The following DBF4B variants were observed in gnomAD, a reference collection of about 807,000 sequenced individuals.
DBF4B encodes the protein DBF4B-CDC7 kinase regulatory subunit, also known as protein DBF4 homolog B.
DBF4B carries 49 observed loss-of-function variants against 53.4 expected under a neutral mutation model. The ratio of observed to expected loss-of-function variants is 0.92; its 90% CI spans 0.73 to 1.16. DBF4B has a LOEUF of 1.16. Ranked by LOEUF, DBF4B falls within the 50% of genes most tolerant of loss-of-function variation. The probability of loss-of-function intolerance (pLI) is 0.00; values close to 1 mark genes in which losing one functional copy is unlikely to be tolerated. For missense variants in DBF4B, 692 were observed against 775.0 expected, an observed-to-expected ratio of 0.89 and a Z score of 1.27; for synonymous variants, 257 against 288.7, an observed-to-expected ratio of 0.89 and a Z score of 1.11.
At chr17:44,726,448 G>T (rs529169077) in intron 3 of DBF4B, among the ~76,000 whole-genome samples, 1 of 151,164 alleles carries the variant, frequency 6.6e-6, no homozygotes, top group South Asian at 2.1e-4. Flanking sequence ...TAATTTTAGA[G>T]ACAGGGTCTC....
At chr17:44,738,315 T>C in intron 8 of DBF4B, 64 bp from the exon 9 acceptor site, 1 of 1,494,172 alleles carries the variant, frequency 6.7e-7, no homozygotes, top group South Asian at 1.2e-5. Flanking sequence ...ATTTCCTGCA[T>C]GTGTGGTGCA....
intron 10 of DBF4B, among the ~76,000 whole-genome samples, chr17:44,744,472 T>C (rs1368206319): frequency 6.6e-6 from 1 of 152,092 alleles, no homozygotes; most frequent in East Asian, 1.9e-4. Context: ...TTCCATTGTA[T>C]GGAATGTATT....
chr17:44,750,858 C>CCGG lies in DBF4B; in HGVS notation c.1457_1459dup (p.Ala486dup). The CCGG allele has an allele frequency of 2.5e-6, 4 of 1,614,180 alleles. No homozygotes were observed. The highest frequency in any genetic ancestry group is 3.4e-6 in the Non-Finnish European group (4 of 1,180,026). ...TCCCTCCCAAGAAAACTCCTTTGCC[C>CCGG]CGGCGGACATTCCTGTTAAGGGCCC... On this transcript the variant is annotated inframe_insertion, in exon 14 of 14. Coordinates refer to ENST00000315005, the MANE Select transcript of DBF4B (RefSeq NM_145663.3).
intron 4 of DBF4B, 57 bp downstream of exon 4, chr17:44,730,153 GA>G: frequency 6.4e-7 from 1 of 1,560,654 alleles, no homozygotes. Context: ...AGGCTTTGGT[GA>G]GCCTTTTAAG....
intron 3 of DBF4B, among the ~76,000 whole-genome samples, chr17:44,729,592 C>T (rs1390621150): frequency 6.6e-6 from 1 of 151,846 alleles, no homozygotes; most frequent in Non-Finnish European, 1.5e-5. Context: ...TTGCTGCATG[C>T]AAACTCAAAC....
In DBF4B at chr17:44,751,943, A is replaced by C. The variant is rs1202130118; in HGVS notation, c.*690A>C. On this transcript the variant is annotated 3_prime_UTR_variant, in exon 14 of 14. Transcript: ENST00000315005. ...ATTCCCTCGTTCGTTCATTCAGCAC[A>C]GGCCTTGCCGTCTGCCCTGAGTCAG... The C allele has an allele frequency of 2.6e-6, 4 of 1,535,526 alleles. No homozygotes were observed. The highest frequency in any genetic ancestry group is 3.5e-6 in the Non-Finnish European group (4 of 1,146,764).
At chr17:44,723,184 G>A (rs1974002672) in intron 3 of DBF4B, among the ~76,000 whole-genome samples, 162 bp downstream of exon 3, 2 of 152,134 alleles carry the variant, frequency 1.3e-5, no homozygotes, top group Admixed American at 6.6e-5. Flanking sequence ...TCAGCTCACT[G>A]CAACCTCTGC....
intron 12 of DBF4B, 88 bp downstream of exon 12, chr17:44,747,603 T>C: frequency 6.6e-7 from 1 of 1,520,764 alleles, no homozygotes; most frequent in South Asian, 1.2e-5. Flanking sequence ...TGGTGGCTGC[T>C]GGGACCAGAC....
intron 3 of DBF4B, among the ~76,000 whole-genome samples, chr17:44,729,616 C>G (rs538410737): frequency 6.6e-6 from 1 of 151,862 alleles, no homozygotes; most frequent in African/African-American, 2.4e-5. Context: ...TCATAGAACT[C>G]AAAGCCCGCA....
At chr17:44,732,765 C>G (rs1974957110) in intron 6 of DBF4B, 1 of 153,130 alleles carries the variant, frequency 6.5e-6, no homozygotes, top group Non-Finnish European at 1.5e-5. Flanking sequence ...ACTCAGGAGG[C>G]TGAGGCAGGA....
At position 44,708,686 on chromosome 17, in the gene DBF4B, A is replaced by T; in HGVS notation, c.-135A>T. Reference sequence around the variant, plus strand: ...ATTTAAACTGAAGCCGCGGCCGAAAACGCCAAGAGATTGATGCTGTAGCTG... The same window carrying T: ...ATTTAAACTGAAGCCGCGGCCGAAATCGCCAAGAGATTGATGCTGTAGCTG... On this transcript the variant is annotated 5_prime_UTR_variant, in exon 1 of 14. Coordinates refer to ENST00000315005, the MANE Select transcript of DBF4B (RefSeq NM_145663.3). The T allele has an allele frequency of 9.2e-7, 1 of 1,085,952 alleles. No individual in the cohort carries two copies. The highest frequency in any genetic ancestry group is 1.3e-6 in the Non-Finnish European group (1 of 799,120). The allele number at this position is 1,085,952 out of a possible 1,614,324, so 67.3% of individuals were successfully genotyped here.
In DBF4B at chr17:44,727,103, A is replaced by G. The variant is rs1470668015; in HGVS notation, c.226-2802A>G. Reference sequence around the variant, plus strand: ...AACAAAGCAAGACTCCATCTCAAAAAAAAAAAAAAAAAAAAAAAACCATAT... The same window carrying G: ...AACAAAGCAAGACTCCATCTCAAAAGAAAAAAAAAAAAAAAAAAACCATAT... On this transcript the variant is annotated intron_variant, in intron 3 of 13. Transcript: ENST00000315005. Among the ~76,000 whole-genome samples, 8 of 147,826 alleles carry G rather than the reference A, an allele frequency of 5.4e-5. No homozygotes were observed. The South Asian group carries it at 8.6e-4, about 16-fold the overall frequency.
In DBF4B at chr17:44,738,442, T is replaced by C. The variant is rs774385467; in HGVS notation, c.713+18T>C. 1 of 1,612,842 alleles carries C rather than the reference T, an allele frequency of 6.2e-7. No individual in the cohort carries two copies. The highest frequency in any genetic ancestry group is 1.1e-5 in the South Asian group (1 of 90,924). ...GAAAGCAGGTGAGTGGGACCTCCTT[T>C]CTCTGCTTGCCCCAGCTAGGCCTGC... On this transcript the variant is annotated intron_variant, in intron 9 of 13. Coordinates refer to ENST00000315005, the MANE Select transcript of DBF4B (RefSeq NM_145663.3).
intron 3 of DBF4B, among the ~76,000 whole-genome samples, chr17:44,728,286 C>T (rs1299645105): frequency 1.3e-5 from 2 of 152,084 alleles, no homozygotes; most frequent in South Asian, 2.1e-4. Flanking sequence ...GGCCTAGGCT[C>T]CAGAACTCAC....
intron 7 of DBF4B, among the ~76,000 whole-genome samples, chr17:44,734,893 C>T (rs568809393): frequency 6.6e-6 from 1 of 152,300 alleles, no homozygotes; most frequent in African/African-American, 2.4e-5. Flanking sequence ...CACTTGAGGT[C>T]AGGAGTTCAA....
intron 13 of DBF4B, chr17:44,750,308 C>T (rs1223605150): frequency 8.3e-7 from 1 of 1,198,780 alleles, no homozygotes; most frequent in Non-Finnish European, 1.0e-6. Context: ...TGCGTCCGTG[C>T]ATTTAAAGAG....
intron 8 of DBF4B, among the ~76,000 whole-genome samples, chr17:44,737,512 A>G (rs919503449): frequency 9.9e-5 from 15 of 152,196 alleles, no homozygotes; most frequent in Non-Finnish European, 4.4e-5. Flanking sequence ...AGCTGCTGCT[A>G]AAGGAGAAAA....
rs2049235516 is a variant in DBF4B, at chr17:44,749,905, C to CACACAG, written c.1190-688_1190-683dup. On this transcript the variant is annotated intron_variant, in intron 13 of 13. Coordinates refer to ENST00000315005, the MANE Select transcript of DBF4B (RefSeq NM_145663.3). This position sits in a 1 kb window ranked among gnomAD's most constrained non-coding sequence, Gnocchi z 4.4. ...CCTCCCCCAGCCCCCCACGCTCCCG[C>CACACAG]ACACAGATCCTCAGGAACATATGAA... 9.6e-7 allele frequency: 1 copy of CACACAG among 1,037,348 alleles called. No individual in the cohort carries two copies. Among genetic ancestry groups the CACACAG allele is most frequent in the Non-Finnish European group, 1.2e-6 (1 of 860,882 alleles). 64.3% of individuals were successfully genotyped at this position (1,037,348 alleles called of 1,614,324 possible). A position where few individuals can be genotyped will look rare whatever the true frequency, so the allele number is the denominator to read the frequency against.
intron 12 of DBF4B, among the ~76,000 whole-genome samples, chr17:44,747,876 C>A (rs2049148590): frequency 6.6e-6 from 1 of 152,124 alleles, no homozygotes; most frequent in South Asian, 2.1e-4. Context: ...AGAAGTCACC[C>A]CCAGAAAGAA....
Sources: allele counts gnomAD v4.1 joint callset (sites outside exome capture counted in the v4.1 genomes callset), GRCh38; gene constraint gnomAD v4.1.1; non-coding constraint Gnocchi (gnomAD v3.1); transcripts MANE v1.5; gene names NCBI Gene and HGNC (gene_info 2026-07-23, HGNC 2026-07-21).